The following UBAP1 variants were observed in gnomAD, a reference collection of about 807,000 sequenced individuals.
The protein encoded by UBAP1 is ubiquitin-associated protein 1.
UBAP1 carries 5 observed loss-of-function variants against 39.0 expected under a neutral mutation model. The ratio of observed to expected loss-of-function variants is 0.13; its 90% CI spans 0.07 to 0.27. The LOEUF (loss-of-function observed/expected upper bound fraction) is 0.27. UBAP1 is among the 10% of genes least tolerant of loss of function. The pLI is 1.00. For missense variants in UBAP1, 490 were observed against 608.1 expected (o/e 0.81, Z 2.04); for synonymous variants, 211 against 225.1 (o/e 0.94, Z 0.56).
At chr9:34,197,674 C>T (rs1385776961) in intron 1 of UBAP1, among the ~76,000 whole-genome samples, 1 of 152,046 alleles carries the variant, frequency 6.6e-6, no homozygotes, top group East Asian at 1.9e-4. Context: ...CTCAGCCTCC[C>T]CAGTAGCTGG....
At chr9:34,222,651 G>A (rs2131584232) in intron 2 of UBAP1, among the ~76,000 whole-genome samples, 1 of 152,106 alleles carries the variant, frequency 6.6e-6, no homozygotes, top group South Asian at 2.1e-4. Context: ...TTAAAAATTA[G>A]CTGGGTATGC....
rs1406306492 is a variant in UBAP1, at chr9:34,231,077, T to G, written c.35-3139T>G. ...CAGAGGGCAAGGATGCAGTGAGCCA[T>G]GATAGCACCACTGCACTCCAGCCTG... On this transcript the variant is annotated intron_variant, in intron 2 of 6. Transcript: ENST00000297661. 6.0e-5 allele frequency among the ~76,000 whole-genome samples: 9 copies of G among 149,904 alleles called. No individual in the cohort carries two copies. In the East Asian group the frequency reaches 1.8e-3, roughly 29 times the overall value.
intron 1 of UBAP1, among the ~76,000 whole-genome samples, chr9:34,185,332 G>A (rs762750124): frequency 6.6e-6 from 1 of 152,278 alleles, no homozygotes; most frequent in Middle Eastern, 3.4e-3. Context: ...CGGATTGCTT[G>A]AGCCCAGAAG....
intron 2 of UBAP1, among the ~76,000 whole-genome samples, chr9:34,223,611 G>A (rs2131585842): frequency 6.6e-6 from 1 of 152,130 alleles, no homozygotes; most frequent in East Asian, 2.0e-4. Flanking sequence ...CTGCCACCAT[G>A]CCCAGCTAAT....
intron 2 of UBAP1, chr9:34,223,965 G>T: frequency 2.6e-6 from 1 of 388,042 alleles, no homozygotes; most frequent in Non-Finnish European, 4.8e-6. Context: ...CATTACATGG[G>T]TGAAGACAAA....
chr9:34,241,171 C>T lies in UBAP1; in HGVS notation c.160-14C>T, dbSNP rs370475944. 2.3e-5 allele frequency: 33 copies of T among 1,450,866 alleles called. No homozygotes were observed. Among genetic ancestry groups the T allele is most frequent in the Middle Eastern group, 1.8e-4 (1 of 5,412 alleles). The allele number at this position is 1,450,866 out of a possible 1,614,324, so 89.9% of individuals were successfully genotyped here. Reference sequence around the variant, plus strand: ...CCTGGGTTCACACCCCCTTCCTCTGCTATATCTTTGCAGTATGACTTCTCT... The same window carrying T: ...CCTGGGTTCACACCCCCTTCCTCTGTTATATCTTTGCAGTATGACTTCTCT... On this transcript the variant is annotated splice_polypyrimidine_tract_variant and intron_variant, in intron 3 of 6. Transcript: ENST00000297661.
chr9:34,232,333 G>T (rs972772795), intron 2 of UBAP1, among the ~76,000 whole-genome samples: 1 of 152,168 alleles, frequency 6.6e-6, no homozygotes, highest in Non-Finnish European at 1.5e-5. Flanking sequence ...AATTACTCAA[G>T]TAAATAAGGG....
At chr9:34,212,792 G>T (rs35910299) in intron 1 of UBAP1, among the ~76,000 whole-genome samples, 30,439 of 151,978 alleles carry the variant, frequency 0.2, 3,651 homozygotes, top group Non-Finnish European at 0.27. Context: ...AGAAGAGTTG[G>T]TACCAATCCT....
intron 1 of UBAP1, among the ~76,000 whole-genome samples, chr9:34,202,862 C>T (rs1587815579): frequency 6.6e-6 from 1 of 152,084 alleles, no homozygotes; most frequent in Admixed American, 6.6e-5. Context: ...CATTATCCTA[C>T]CTATAGAAAA....
intron 1 of UBAP1, among the ~76,000 whole-genome samples, chr9:34,218,250 C>CAAAAAAAAAAA (rs758443973): frequency 1.4e-4 from 7 of 49,520 alleles, no homozygotes; most frequent in East Asian, 5.7e-4. Flanking sequence ...GACTCCATCT[C>CAAAAAAAAAAA]AAAAAAAAAA....
intron 1 of UBAP1, among the ~76,000 whole-genome samples, chr9:34,205,818 C>G (rs574885749): frequency 8.8e-4 from 134 of 152,204 alleles, no homozygotes; most frequent in African/African-American, 3.0e-3. Context: ...ATGGTGAAAC[C>G]CCGTCTCTAC....
chr9:34,199,526 T>TA (rs1370555810), intron 1 of UBAP1, among the ~76,000 whole-genome samples: 1 of 152,222 alleles, frequency 6.6e-6, no homozygotes, highest in African/African-American at 2.4e-5. Flanking sequence ...CATCTTACAT[T>TA]ACCATGATAC....
intron 1 of UBAP1, among the ~76,000 whole-genome samples, chr9:34,188,253 A>G (rs759789613): frequency 6.6e-6 from 1 of 152,148 alleles, no homozygotes; most frequent in African/African-American, 2.4e-5. Context: ...TATGAAAGGC[A>G]TACTCTTAGA....
intron 2 of UBAP1, among the ~76,000 whole-genome samples, chr9:34,223,440 A>C (rs1188301957): frequency 6.6e-6 from 1 of 151,534 alleles, no homozygotes; most frequent in Non-Finnish European, 1.5e-5. Flanking sequence ...TCTTAACCAA[A>C]GTGTTATTTT....
chr9:34,235,161 A>G (rs1381310006), intron 3 of UBAP1, among the ~76,000 whole-genome samples: 2 of 152,222 alleles, frequency 1.3e-5, no homozygotes, highest in East Asian at 1.9e-4. Context: ...TTTGGAAGAT[A>G]AAAAACATTT....
At chr9:34,185,513 C>T (rs1830357783) in intron 1 of UBAP1, among the ~76,000 whole-genome samples, 1 of 152,112 alleles carries the variant, frequency 6.6e-6, no homozygotes, top group African/African-American at 2.4e-5. Context: ...CATGCCCCTG[C>T]ACTCCAGCCT....
At chr9:34,206,421 G>T (rs1265808112) in intron 1 of UBAP1, among the ~76,000 whole-genome samples, 1 of 152,064 alleles carries the variant, frequency 6.6e-6, no homozygotes, top group Admixed American at 6.6e-5. Context: ...GAGGTGGGAG[G>T]ATCACTTGAG....
At chr9:34,213,843 G>C (rs1022740909) in intron 1 of UBAP1, among the ~76,000 whole-genome samples, 1 of 151,510 alleles carries the variant, frequency 6.6e-6, no homozygotes, top group African/African-American at 2.4e-5. Context: ...CAAGATTAAT[G>C]TACACAAATC....
intron 1 of UBAP1, among the ~76,000 whole-genome samples, chr9:34,195,024 A>G (rs1333958168): frequency 6.6e-6 from 1 of 152,102 alleles, no homozygotes; most frequent in East Asian, 1.9e-4. Flanking sequence ...AACTCACTTT[A>G]TTCATCCCTG....
Sources: gnomAD v4.1 joint callset for allele counts (sites outside exome capture counted in the v4.1 genomes callset) on GRCh38, gnomAD v4.1.1 for gene constraint, MANE v1.5 for transcripts, NCBI Gene and HGNC (gene_info 2026-07-23, HGNC 2026-07-21) for gene names.